LRRC42: variants seen among roughly 807,000 people sequenced by gnomAD.
LRRC42 encodes the protein leucine-rich repeat-containing protein 42.
LRRC42 carries 43 observed loss-of-function variants against 44.3 expected under a neutral mutation model. That is an observed-to-expected ratio of 0.97 (90% confidence interval 0.76 to 1.25). The LOEUF (loss-of-function observed/expected upper bound fraction) is 1.25, where lower values mean the gene tolerates loss of function less well. Among genes scored for constraint, LRRC42 ranks in the 50% most tolerant of loss-of-function variants. LRRC42 has a pLI of 0.00. For synonymous variants in LRRC42, 207 were observed against 195.2 expected, an observed-to-expected ratio of 1.06 and a Z score of -0.50; for missense variants, 540 against 509.1, an observed-to-expected ratio of 1.06 and a Z score of -0.58.
chr1:53,946,805 G>A (rs1654489178), intron 1 of LRRC42, among the ~76,000 whole-genome samples: 1 of 151,864 alleles, frequency 6.6e-6, no homozygotes, highest in South Asian at 2.1e-4. Context: ...GATTAGCCTG[G>A]GTGGACTCGG....
At chr1:53,966,940 C>T (rs963714426) in intron 8 of LRRC42, among the ~76,000 whole-genome samples, 1 of 151,656 alleles carries the variant, frequency 6.6e-6, no homozygotes, top group Non-Finnish European at 1.5e-5. Flanking sequence ...GGGGGTGGCA[C>T]GGGCAGGAAT....
rs898180003 is a variant in LRRC42 at position 53,946,365 on chromosome 1, C to G, written c.-233C>G. On this transcript the variant is annotated 5_prime_UTR_variant, in exon 1 of 9. Coordinates refer to ENST00000371370, the MANE Select transcript of LRRC42 (RefSeq NM_001256409.2). ...TCCCCGGCCCAGCCTTGCTCCCGCC[C>G]CCGCCGGTCCCGCGGTCCCACGGCG... is the stretch of plus-strand genomic sequence containing the variant. 3.3e-5 allele frequency: 5 copies of G among 152,364 alleles called. No individual in the cohort carries two copies. Among genetic ancestry groups the G allele is most frequent in the Non-Finnish European group, 7.3e-5 (5 of 68,284 alleles). 9.4% of individuals were successfully genotyped at this position (152,364 alleles called of 1,614,324 possible). A position where few individuals can be genotyped will look rare whatever the true frequency, so the allele number is the denominator to read the frequency against.
rs76183821 is a variant in LRRC42, at chr1:53,950,997, G to A, written c.-14-989G>A. 9.4e-3 allele frequency among the ~76,000 whole-genome samples: 1,429 copies of A among 152,264 alleles called. 29 individuals carry two copies. Among genetic ancestry groups the A allele is most frequent in the African/African-American group, 0.033 (1,360 of 41,526 alleles). ...AATGTTGGTTCCACACTATCTGCTC[G>A]GGGACTATAAGATGCCAGGACACTG... On this transcript the variant is annotated intron_variant, in intron 2 of 8. Transcript: ENST00000371370.
chr1:53,949,880 A>G (rs1654624733), intron 2 of LRRC42, among the ~76,000 whole-genome samples: 1 of 152,224 alleles, frequency 6.6e-6, no homozygotes, highest in African/African-American at 2.4e-5. Flanking sequence ...GCTCCTAGCA[A>G]CAGTATCAGC....
intron 2 of LRRC42, 129 bp downstream of exon 2, chr1:53,947,950 C>T (rs1654568426): frequency 6.6e-6 from 1 of 152,160 alleles, no homozygotes; most frequent in Non-Finnish European, 1.5e-5. Flanking sequence ...AGATTGAATT[C>T]TGGCTCTGCC....
chr1:53,958,286 G>T lies in LRRC42; in HGVS notation c.605+6G>T. 1 of 1,612,538 alleles carries T rather than the reference G, an allele frequency of 6.2e-7. No homozygotes were observed. The highest frequency in any genetic ancestry group is 1.1e-5 in the South Asian group (1 of 90,898). On this transcript the variant is annotated splice_donor_region_variant and intron_variant, in intron 4 of 8. Transcript: ENST00000371370. ...ACCAATGAAGCCCTGTCTAGGTACTGACCTGTCACCACTTGCAGATGAATT... is the reference window on the plus strand; with the variant it reads ...ACCAATGAAGCCCTGTCTAGGTACTTACCTGTCACCACTTGCAGATGAATT...
At position 53,952,451 on chromosome 1, in the gene LRRC42, G is replaced by A. The variant is rs757775427; in HGVS notation, c.452G>A (p.Cys151Tyr). Residue 151 changes from cysteine to tyrosine, a missense_variant, in exon 3 of 9, where the codon TGC (cysteine) becomes TAC (tyrosine). Physicochemically the swap from Cys to Tyr is radical, Grantham distance 194. Coordinates refer to ENST00000371370, the MANE Select transcript of LRRC42 (RefSeq NM_001256409.2). ...FTEAYGSLVL[C>Y]SLCLRNRYLV... is the part of the protein sequence containing the mutation. ...GAGGCCTATGGAAGTTTGGTGCTTT[G>A]CTCCCTGTGTTTGCGAAACAGGTGG... is the stretch of plus-strand genomic sequence containing the variant. 17 of 1,597,404 alleles carry A rather than the reference G, an allele frequency of 1.1e-5. No individual in the cohort carries two copies. The highest frequency in any genetic ancestry group is 1.5e-5 in the Non-Finnish European group (17 of 1,167,546).
Position 53,952,400 on chromosome 1 carries a change from G to A in LRRC42, c.401G>A (p.Gly134Glu). 6.2e-7 allele frequency: 1 copy of A among 1,612,436 alleles called. No individual in the cohort carries two copies. Among genetic ancestry groups the A allele is most frequent in the South Asian group, 1.1e-5 (1 of 91,068 alleles). ...CAGAAATTCACTGAGCCAGGTGCAGGGCTGAGGGCTTTACAGAAATTCACT... is the reference window on the plus strand; with the variant it reads ...CAGAAATTCACTGAGCCAGGTGCAGAGCTGAGGGCTTTACAGAAATTCACT... ...ARQKFTEPGA[G>E]LRALQKFTEA... The change falls in exon 3 of 9, where the codon GGG (glycine) becomes GAG (glutamate). Residue 134 changes from glycine (G) to glutamate (E), a missense_variant. By Grantham distance (98) the Gly-to-Glu change is moderately conservative. Transcript: ENST00000371370.
intron 5 of LRRC42, among the ~76,000 whole-genome samples, chr1:53,961,578 G>A (rs1435363800): frequency 1.3e-5 from 2 of 152,142 alleles, no homozygotes; most frequent in Non-Finnish European, 2.9e-5. Flanking sequence ...ATATAAGAAA[G>A]GATTCTGAAA....
chr1:53,953,448 A>G (rs972337151), intron 3 of LRRC42, among the ~76,000 whole-genome samples: 7 of 151,866 alleles, frequency 4.6e-5, no homozygotes, highest in Non-Finnish European at 1.0e-4. Flanking sequence ...GCAACCTCCA[A>G]CTGCCTGGTT....
rs1377955664 is a variant in LRRC42, at chr1:53,962,030, C to G, written c.725-4C>G. 5.6e-6 allele frequency: 9 copies of G among 1,605,202 alleles called. No individual in the cohort carries two copies. Among genetic ancestry groups the G allele is most frequent in the Non-Finnish European group, 7.7e-6 (9 of 1,174,416 alleles). ...CAGAATGCTACGTTGTTTTTGACATCTAGGTAACCCTGAGATCACAGATGC... is the reference window on the plus strand; with the variant it reads ...CAGAATGCTACGTTGTTTTTGACATGTAGGTAACCCTGAGATCACAGATGC... On this transcript the variant is annotated splice_region_variant and splice_polypyrimidine_tract_variant and intron_variant, in intron 5 of 8. Transcript: ENST00000371370.
intron 6 of LRRC42, 33 bp downstream of exon 6, chr1:53,962,155 A>G (rs1655012173): frequency 6.4e-7 from 1 of 1,562,904 alleles, no homozygotes; most frequent in African/African-American, 1.4e-5. Flanking sequence ...TCATTTTTCT[A>G]GACTCAACAA....
rs1173270196 is a variant in LRRC42, at chr1:53,962,312, A to G, written c.830A>G (p.Lys277Arg). 1.2e-6 allele frequency: 2 copies of G among 1,613,848 alleles called. No homozygotes were observed. Among genetic ancestry groups the G allele is most frequent in the Admixed American group, 1.7e-5 (1 of 60,012 alleles). The change falls in exon 7 of 9, where the codon AAG becomes AGG. Residue 277 changes from lysine (K) to arginine (R), a missense_variant. Coordinates refer to ENST00000371370, the MANE Select transcript of LRRC42 (RefSeq NM_001256409.2). ...GTGLKDIKTV[K>R]HKLQTHIGLV... ...CCTCACTAGGACATCAAAACCGTCAAGCACAAGCTCCAGACCCACATAGGC... is the reference window on the plus strand; with the variant it reads ...CCTCACTAGGACATCAAAACCGTCAGGCACAAGCTCCAGACCCACATAGGC...
chr1:53,963,943 G>GCC (rs150179105), intron 7 of LRRC42, among the ~76,000 whole-genome samples: 921 of 43,744 alleles, frequency 0.021, 2 homozygotes, highest in African/African-American at 0.043. Flanking sequence ...TTCCCCTCCT[G>GCC]CCCACCCCCC....
intron 3 of LRRC42, among the ~76,000 whole-genome samples, chr1:53,954,812 G>A (rs975839340): frequency 1.3e-5 from 2 of 152,198 alleles, no homozygotes. Flanking sequence ...ATAAATTAGT[G>A]TAGCATTTCT....
At position 53,968,058 on chromosome 1, in the gene LRRC42, T is replaced by A. The variant is rs892836719; in HGVS notation, c.*119T>A. ...ATGGCATTAGCATAGTAAGCAGATA[T>A]TTCTACTTTTGTGGTGTGGGAGGGG... On this transcript the variant is annotated 3_prime_UTR_variant, in exon 9 of 9. Coordinates refer to ENST00000371370, the MANE Select transcript of LRRC42 (RefSeq NM_001256409.2). 5.5e-6 allele frequency: 6 copies of A among 1,082,106 alleles called. No individual in the cohort carries two copies. In the East Asian group the frequency reaches 1.2e-4, roughly 22 times the overall value. The allele number at this position is 1,082,106 out of a possible 1,614,324, so 67.0% of individuals were successfully genotyped here.
intron 3 of LRRC42, among the ~76,000 whole-genome samples, chr1:53,956,420 G>A (rs1334149202): frequency 6.6e-6 from 1 of 152,170 alleles, no homozygotes; most frequent in African/African-American, 2.4e-5. Flanking sequence ...AAGATGCCAT[G>A]GAATTTTAAA....
intron 3 of LRRC42, among the ~76,000 whole-genome samples, chr1:53,957,028 A>T (rs1569834351): frequency 6.6e-6 from 1 of 152,194 alleles, no homozygotes; most frequent in South Asian, 2.1e-4. Flanking sequence ...TTAAGGGGGT[A>T]TCAGTGCCTC....
chr1:53,946,744 A>G (rs945288508), intron 1 of LRRC42, among the ~76,000 whole-genome samples, 195 bp downstream of exon 1: 11 of 142,260 alleles, frequency 7.7e-5, no homozygotes, highest in Middle Eastern at 6.9e-3. Flanking sequence ...GGGGCAGGCT[A>G]TGGGGACGTG....
Sources: allele counts gnomAD v4.1 joint callset (sites outside exome capture counted in the v4.1 genomes callset), GRCh38; gene constraint gnomAD v4.1.1; transcripts MANE v1.5; gene names NCBI Gene and HGNC (gene_info 2026-07-23, HGNC 2026-07-21).